Variants in PCDHGA10 observed in about 807,000 individuals in gnomAD.
The protein encoded by PCDHGA10 is protocadherin gamma subfamily A, 10, also known as protocadherin gamma-A10.
A neutral mutation model predicts 59.5 loss-of-function variants in PCDHGA10; 42 were observed. The observed-to-expected ratio is 0.71, with a 90% CI of 0.55 to 0.91. PCDHGA10 has a LOEUF of 0.91. PCDHGA10 is among the 40% of genes least tolerant of loss of function. The pLI, the probability that PCDHGA10 is intolerant of heterozygous loss-of-function variation, is 0.00. For synonymous variants in PCDHGA10, 511 were observed against 517.2 expected, an observed-to-expected ratio of 0.99 and a Z score of 0.16; for missense variants, 1,111 against 1,198.2, an observed-to-expected ratio of 0.93 and a Z score of 1.07.
chr5:141,421,572 G>T, intron 1 of PCDHGA10: 1 of 1,613,954 alleles, frequency 6.2e-7, no homozygotes, highest in Admixed American at 1.7e-5. Flanking sequence ...AAGACACCTT[G>T]AAGATTTACG....
chr5:141,437,262 G>A (rs1490690532), intron 1 of PCDHGA10, among the ~76,000 whole-genome samples: 1 of 152,152 alleles, frequency 6.6e-6, no homozygotes, highest in Non-Finnish European at 1.5e-5. Flanking sequence ...CTTTTTATGT[G>A]TATGACAGAT....
At chr5:141,501,238 G>A (rs1482962385) in intron 2 of PCDHGA10, among the ~76,000 whole-genome samples, 2 of 151,018 alleles carry the variant, frequency 1.3e-5, no homozygotes, top group African/African-American at 4.9e-5. Flanking sequence ...AGTTTTTTGA[G>A]CATGATGTAG....
chr5:141,436,519 C>A (rs770168763), intron 1 of PCDHGA10, among the ~76,000 whole-genome samples: 2 of 152,140 alleles, frequency 1.3e-5, no homozygotes, highest in African/African-American at 2.4e-5. Context: ...TTAACTGTGT[C>A]ACCTTTAGCA....
In PCDHGA10 at chr5:141,483,413, G is replaced by A. The variant is rs112015754; in HGVS notation, c.2437-11394G>A. 5.9e-4 allele frequency among the ~76,000 whole-genome samples: 90 copies of A among 152,300 alleles called. 1 individual carries two copies. Among genetic ancestry groups the A allele is most frequent in the African/African-American group, 1.7e-3 (69 of 41,584 alleles). ...AAATGCTTGAACCAGCACAGTGGCA[G>A]TACAGATGGAGGGAGCTGACTACAA... On this transcript the variant is annotated intron_variant, in intron 1 of 3. Transcript: ENST00000398610.
chr5:141,500,350 A>G (rs2099799466), intron 2 of PCDHGA10, among the ~76,000 whole-genome samples: 1 of 151,976 alleles, frequency 6.6e-6, no homozygotes, highest in African/African-American at 2.4e-5. Flanking sequence ...CTGGGACTAC[A>G]GGCGCCCACT....
chr5:141,432,073 C>T lies in PCDHGA10; in HGVS notation c.2436+16462C>T, dbSNP rs1276949951. On this transcript the variant is annotated intron_variant, in intron 1 of 3. Transcript: ENST00000398610. This position sits in a 1 kb window ranked among gnomAD's most constrained non-coding sequence, Gnocchi z 6.0. ...CGCCCCTATCCACGGAAACTCATAT[C>T]TCGCTGAACGTGGCAGACACCAACG... is the stretch of plus-strand genomic sequence containing the variant. 3.1e-6 allele frequency: 5 copies of T among 1,614,208 alleles called. No homozygotes were observed. Among genetic ancestry groups the T allele is most frequent in the Non-Finnish European group, 4.2e-6 (5 of 1,180,040 alleles).
chr5:141,448,166 A>G (rs1475687778), intron 1 of PCDHGA10, among the ~76,000 whole-genome samples: 2 of 151,978 alleles, frequency 1.3e-5, no homozygotes, highest in Non-Finnish European at 2.9e-5. Context: ...AAAGATCACT[A>G]CTATTCATCC....
chr5:141,432,622 G>A lies in PCDHGA10; in HGVS notation c.2436+17011G>A. 6.2e-7 allele frequency: 1 copy of A among 1,612,776 alleles called. No individual in the cohort carries two copies. The stretch of plus-strand genomic sequence containing the variant: ...AGCCGGGACTCTTCTCGGTGGGTCT[G>A]CACACGGGCGAGGTGCGCACGGCGC... On this transcript the variant is annotated intron_variant, in intron 1 of 3. Transcript: ENST00000398610. This position sits in a 1 kb window ranked among gnomAD's most constrained non-coding sequence, Gnocchi z 6.0.
At position 141,477,896 on chromosome 5, in the gene PCDHGA10, G is replaced by A. The variant is rs1444527086; in HGVS notation, c.2437-16911G>A. 2 of 1,614,174 alleles carry A rather than the reference G, an allele frequency of 1.2e-6. No individual in the cohort carries two copies. Among genetic ancestry groups the A allele is most frequent in the Non-Finnish European group, 1.7e-6 (2 of 1,180,038 alleles). ...AGCTGGCCACCTAGTGTCACGGGTG[G>A]TAGGCTGGGACGCGGATGCAGGGCA... On this transcript the variant is annotated intron_variant, in intron 1 of 3. Coordinates refer to ENST00000398610, the MANE Select transcript of PCDHGA10 (RefSeq NM_018913.3). The surrounding 1 kb of genome is among the most constrained non-coding windows in gnomAD (Gnocchi z 4.9).
chr5:141,427,034 A>G (rs762633589), intron 1 of PCDHGA10: 7 of 457,110 alleles, frequency 1.5e-5, no homozygotes, highest in Non-Finnish European at 2.6e-5. Flanking sequence ...TCAGCCTTAG[A>G]GAGAATGTGC....
chr5:141,418,819 A>T (rs1285247926), intron 1 of PCDHGA10: 1 of 1,613,868 alleles, frequency 6.2e-7, no homozygotes, highest in African/African-American at 1.3e-5. Context: ...TAAACATAGA[A>T]GCAAAAGACC....
intron 1 of PCDHGA10, chr5:141,422,041 G>A (rs371079504): frequency 2.1e-5 from 34 of 1,611,632 alleles, no homozygotes; most frequent in Non-Finnish European, 2.9e-5. Flanking sequence ...GGATCCAGAC[G>A]AGGGAATCAA....
chr5:141,491,810 G>T lies in PCDHGA10; in HGVS notation c.2437-2997G>T. 1 of 1,486,878 alleles carries T rather than the reference G, an allele frequency of 6.7e-7. No individual in the cohort carries two copies. The allele number at this position is 1,486,878 out of a possible 1,614,324, so 92.1% of individuals were successfully genotyped here. A position where few individuals can be genotyped will look rare whatever the true frequency, so the allele number is the denominator to read the frequency against. ...CCACTCCTCTCCGGCCGGCTTGGTC[G>T]CTGGCTGCGCTCCACCCGATTCTCG... On this transcript the variant is annotated intron_variant, in intron 1 of 3. Coordinates refer to ENST00000398610, the MANE Select transcript of PCDHGA10 (RefSeq NM_018913.3). This position sits in a 1 kb window ranked among gnomAD's most constrained non-coding sequence, Gnocchi z 6.9.
intron 3 of PCDHGA10, chr5:141,506,958 A>C (rs529190059): frequency 1.6e-3 from 239 of 152,280 alleles, no homozygotes; most frequent in African/African-American, 5.5e-3. Flanking sequence ...GAATCCTCTC[A>C]ATAGCTCTGC....
Position 141,511,252 on chromosome 5 carries a change from G to C in PCDHGA10, c.*79G>C. 6.4e-7 allele frequency: 1 copy of C among 1,568,260 alleles called. No homozygotes were observed. The highest frequency in any genetic ancestry group is 8.6e-7 in the Non-Finnish European group (1 of 1,157,002). On this transcript the variant is annotated 3_prime_UTR_variant, in exon 4 of 4. Coordinates refer to ENST00000398610, the MANE Select transcript of PCDHGA10 (RefSeq NM_018913.3). ...TCTCCTTACCTGCACCCAGGCCTCA[G>C]AGTTTCAGGGCTAACCCCCAGAATA... is the stretch of plus-strand genomic sequence containing the variant.
Position 141,502,395 on chromosome 5 carries a change from G to A in PCDHGA10, c.2496-2998G>A, listed in dbSNP as rs115188718. The stretch of plus-strand genomic sequence containing the variant: ...GTCCAGGCCAGTTGTACTTTAAAAT[G>A]TCCCCGAACCTGGATTTGCTGGCTA... On this transcript the variant is annotated intron_variant, in intron 2 of 3. Transcript: ENST00000398610. Among the ~76,000 whole-genome samples, 610 of 151,894 alleles carry A rather than the reference G, an allele frequency of 4.0e-3. 3 individuals carry two copies. Among genetic ancestry groups the A allele is most frequent in the African/African-American group, 0.013 (553 of 41,410 alleles).
intron 1 of PCDHGA10, among the ~76,000 whole-genome samples, chr5:141,468,131 C>A (rs1006565854): frequency 1.3e-5 from 2 of 151,650 alleles, no homozygotes; most frequent in South Asian, 4.2e-4. Context: ...TTGAGACCAG[C>A]CTGGCCAACA....
At chr5:141,478,468 C>A (rs2099457906) in intron 1 of PCDHGA10, 2 of 1,613,800 alleles carry the variant, frequency 1.2e-6, no homozygotes, top group Admixed American at 1.7e-5. Flanking sequence ...CACTGGCCAG[C>A]CGCCAGAACA....
chr5:141,430,255 T>TC (rs11167746), intron 1 of PCDHGA10, among the ~76,000 whole-genome samples: 81,857 of 151,872 alleles, frequency 0.54, 24,107 homozygotes, highest in African/African-American at 0.79. Flanking sequence ...GGGAGACATC[T>TC]CCATAATAGG....
Sources: gnomAD v4.1 joint callset for allele counts (sites outside exome capture counted in the v4.1 genomes callset) on GRCh38, gnomAD v4.1.1 for gene constraint, Gnocchi (gnomAD v3.1) non-coding constraint, MANE v1.5 for transcripts, NCBI Gene and HGNC (gene_info 2026-07-23, HGNC 2026-07-21) for gene names.